The following FHIT variants were observed in gnomAD, a reference collection of about 807,000 sequenced individuals.
FHIT encodes fragile histidine triad diadenosine triphosphatase.
Under a neutral mutation model 17.9 loss-of-function variants are expected in FHIT, and 19 were observed. That is an observed-to-expected ratio of 1.06 (90% CI 0.74 to 1.56). The LOEUF is 1.56. Ranked by LOEUF, FHIT falls within the 40% of genes most tolerant of loss-of-function variation. The pLI is 0.00. For missense variants in FHIT, 248 were observed against 189.2 expected, an observed-to-expected ratio of 1.31 and a Z score of -1.82; for synonymous variants, 81 against 69.7, an observed-to-expected ratio of 1.16 and a Z score of -0.81.
intron 5 of FHIT, among the ~76,000 whole-genome samples, chr3:60,117,934 G>C (rs1363739636): frequency 1.3e-5 from 2 of 152,126 alleles, no homozygotes; most frequent in Admixed American, 6.6e-5. Flanking sequence ...GTGAAAATCA[G>C]GTCTGGTTGT....
At chr3:60,141,729 T>C (rs1417342022) in intron 5 of FHIT, among the ~76,000 whole-genome samples, 2 of 152,204 alleles carry the variant, frequency 1.3e-5, no homozygotes, top group African/African-American at 4.8e-5. Flanking sequence ...ATTGTGCTGA[T>C]TTATCCATAT....
rs1361858241 is a variant in FHIT at position 61,113,713 on chromosome 3, T to C, written c.-163-71614A>G. Among the ~76,000 whole-genome samples, 8 of 152,318 alleles carry C rather than the reference T, an allele frequency of 5.3e-5. 1 individual carries two copies. Among genetic ancestry groups the C allele is most frequent in the African/African-American group, 1.9e-4 (8 of 41,572 alleles). ...GAGTCACTAGAGCCAGGACCATGTC[T>C]ATCTTTGCCCCCATTGTAACCCCAG... On this transcript the variant is annotated intron_variant, in intron 2 of 9. Coordinates refer to ENST00000492590, the MANE Select transcript of FHIT (RefSeq NM_002012.4).
intron 5 of FHIT, among the ~76,000 whole-genome samples, chr3:60,124,544 G>A (rs1705453377): frequency 6.6e-6 from 1 of 152,012 alleles, no homozygotes; most frequent in Non-Finnish European, 1.5e-5. Flanking sequence ...ATCTAGATAT[G>A]GGGAGTAGTG....
At chr3:59,923,578 T>C (rs1165441313) in intron 7 of FHIT, among the ~76,000 whole-genome samples, 1 of 152,174 alleles carries the variant, frequency 6.6e-6, no homozygotes, top group Admixed American at 6.5e-5. Flanking sequence ...AAATAGCCTC[T>C]ATTGTACCTC....
intron 5 of FHIT, among the ~76,000 whole-genome samples, chr3:60,300,658 G>A (rs1160985670): frequency 3.9e-5 from 6 of 152,056 alleles, no homozygotes; most frequent in Non-Finnish European, 8.8e-5. Context: ...ATTGCACTCC[G>A]ATGATAAACT....
At chr3:60,575,370 C>T (rs2037530963) in intron 4 of FHIT, among the ~76,000 whole-genome samples, 4 of 152,106 alleles carry the variant, frequency 2.6e-5, no homozygotes, top group Admixed American at 2.0e-4. Context: ...ATCAAACAAA[C>T]AATTCCATTT....
chr3:60,424,001 G>A (rs1394458649), intron 5 of FHIT, among the ~76,000 whole-genome samples: 2 of 151,944 alleles, frequency 1.3e-5, no homozygotes, highest in Non-Finnish European at 2.9e-5. Context: ...GATTATAATT[G>A]TACTACAGTA....
At chr3:61,203,650 T>C (rs912942136) in intron 1 of FHIT, among the ~76,000 whole-genome samples, 2 of 152,036 alleles carry the variant, frequency 1.3e-5, no homozygotes, top group Admixed American at 6.6e-5. Context: ...GCTCTACTTG[T>C]AAAAAAACAA....
chr3:60,793,430 G>C (rs549016587), intron 4 of FHIT, among the ~76,000 whole-genome samples: 2 of 152,100 alleles, frequency 1.3e-5, no homozygotes, highest in East Asian at 1.9e-4. Flanking sequence ...AGCCACCCTA[G>C]TGGTTGGGAT....
At chr3:61,183,619 C>T (rs2038411681) in intron 2 of FHIT, among the ~76,000 whole-genome samples, 1 of 152,108 alleles carries the variant, frequency 6.6e-6, no homozygotes, top group African/African-American at 2.4e-5. Flanking sequence ...CAATATCTGC[C>T]CCATGAATTG....
chr3:60,037,384 GTCTT>G (rs914348954), intron 5 of FHIT, among the ~76,000 whole-genome samples: 5 of 138,806 alleles, frequency 3.6e-5, no homozygotes, highest in African/African-American at 1.3e-4. Flanking sequence ...TTAAAACCAA[GTCTT>G]TCTTTTTTTT....
At chr3:60,120,888 T>C (rs1212328314) in intron 5 of FHIT, among the ~76,000 whole-genome samples, 1 of 152,132 alleles carries the variant, frequency 6.6e-6, no homozygotes. Flanking sequence ...CGAACAACTT[T>C]ACACTGTTAT....
Position 61,210,533 on chromosome 3 carries a change from C to T in FHIT, c.-212-9868G>A, listed in dbSNP as rs577800076. 1.6e-4 allele frequency among the ~76,000 whole-genome samples: 25 copies of T among 152,318 alleles called. No homozygotes were observed. The South Asian group carries it at 2.3e-3, about 14-fold the overall frequency. On this transcript the variant is annotated intron_variant, in intron 1 of 9. Transcript: ENST00000492590. ...GGCGCCCCTCCCCCAGCCTCGCTGC[C>T]GCCTTGCAGTTTGATCTCAGACTGC...
intron 5 of FHIT, among the ~76,000 whole-genome samples, chr3:60,061,021 G>C (rs888699878): frequency 6.6e-5 from 10 of 152,138 alleles, no homozygotes; most frequent in African/African-American, 2.4e-4. Flanking sequence ...ATCAAGCAAG[G>C]AGCTATTGGT....
At chr3:59,960,434 C>T (rs1448442467) in intron 7 of FHIT, among the ~76,000 whole-genome samples, 1 of 152,202 alleles carries the variant, frequency 6.6e-6, no homozygotes, top group Non-Finnish European at 1.5e-5. Context: ...TTGCTACTCA[C>T]TGGCTGGCAA....
intron 5 of FHIT, chr3:60,077,387 G>A (rs1198339476): frequency 6.6e-6 from 1 of 151,838 alleles, no homozygotes; most frequent in Admixed American, 6.6e-5. Context: ...CCAGATCTTG[G>A]TTTCTAAATA....
intron 5 of FHIT, among the ~76,000 whole-genome samples, chr3:60,453,129 G>C (rs1411647556): frequency 2.0e-5 from 3 of 151,848 alleles, no homozygotes; most frequent in Non-Finnish European, 4.4e-5. Flanking sequence ...TACAGTAACA[G>C]AGTTGGGAAT....
chr3:60,136,056 T>C (rs1333279216), intron 5 of FHIT, among the ~76,000 whole-genome samples: 1 of 152,176 alleles, frequency 6.6e-6, no homozygotes, highest in Non-Finnish European at 1.5e-5. Context: ...GTAAACTCCA[T>C]GAGGTCAAGT....
chr3:60,519,546 T>C (rs957492173), intron 5 of FHIT, among the ~76,000 whole-genome samples: 1 of 152,086 alleles, frequency 6.6e-6, no homozygotes, highest in Non-Finnish European at 1.5e-5. Flanking sequence ...AAATATTTTG[T>C]TTATGTATTA....
Sources: allele counts gnomAD v4.1 joint callset (sites outside exome capture counted in the v4.1 genomes callset), GRCh38; gene constraint gnomAD v4.1.1; transcripts MANE v1.5; gene names NCBI Gene and HGNC (gene_info 2026-07-23, HGNC 2026-07-21).